The following CACNA1D variants were observed in gnomAD, a reference collection of about 807,000 sequenced individuals.
The protein encoded by CACNA1D is calcium voltage-gated channel subunit alpha1 D.
A neutral mutation model predicts 257.1 loss-of-function variants in CACNA1D; 55 were observed. The observed-to-expected ratio is 0.21, with a 90% confidence interval of 0.17 to 0.27. The LOEUF is 0.27. Among genes scored for constraint, CACNA1D ranks in the 10% least tolerant of loss-of-function variants. The pLI is 1.00. For synonymous variants in CACNA1D, 980 were observed against 1,014.9 expected (o/e 0.97, Z 0.65); for missense variants, 1,876 against 2,784.0 (o/e 0.67, Z 7.34).
Position 53,812,414 on chromosome 3 carries a change from T to C in CACNA1D, c.*1008T>C, listed in dbSNP as rs747919708. Reference sequence around the variant, plus strand: ...TTGAAAGAACTTGACACTACAGAAATTTTTCTAAAATATTTTGAGTCACTA... The same window carrying C: ...TTGAAAGAACTTGACACTACAGAAACTTTTCTAAAATATTTTGAGTCACTA... On this transcript the variant is annotated 3_prime_UTR_variant, in exon 48 of 48. Transcript: ENST00000350061. 6.6e-6 allele frequency: 1 copy of C among 152,212 alleles called. No individual in the cohort carries two copies. Among genetic ancestry groups the C allele is most frequent in the East Asian group, 1.9e-4 (1 of 5,196 alleles). The allele number at this position is 152,212 out of a possible 1,614,324, so 9.4% of individuals were successfully genotyped here. A position where few individuals can be genotyped will look rare whatever the true frequency, so the allele number is the denominator to read the frequency against.
chr3:53,637,350 C>T (rs2093896227), intron 3 of CACNA1D, among the ~76,000 whole-genome samples: 3 of 152,292 alleles, frequency 2.0e-5, no homozygotes, highest in South Asian at 4.1e-4. Context: ...CTTTCTTGCC[C>T]TCACATGTGG....
intron 3 of CACNA1D, among the ~76,000 whole-genome samples, chr3:53,602,524 A>ACC (rs939324875): frequency 2.6e-5 from 4 of 151,898 alleles, no homozygotes; most frequent in African/African-American, 9.7e-5. Context: ...TTTTTGGGGA[A>ACC]CCCCCATACA....
chr3:53,787,425 C>CTGTTGTGTGTG (rs2095460206), intron 40 of CACNA1D, among the ~76,000 whole-genome samples: 1 of 136,150 alleles, frequency 7.3e-6, no homozygotes, highest in Non-Finnish European at 1.6e-5. Flanking sequence ...AGTATGTATT[C>CTGTTGTGTGTG]TGTGTGTGTG....
chr3:53,775,781 A>G, intron 34 of CACNA1D, 105 bp from the exon 35 acceptor site: 3 of 1,107,038 alleles, frequency 2.7e-6, no homozygotes, highest in East Asian at 2.4e-5. Context: ...ATTTTCTTCA[A>G]ATGACTTAGG....
Position 53,497,323 on chromosome 3 carries a change from T to G in CACNA1D, c.239T>G (p.Leu80Arg). ...TCTGCACCCCCACCTGTAGGATCTC[T>G]CTCCCAAAGAAAACGTCAGCAATAC... ...STSAPPPVGS[L>R]SQRKRQQYAK... Residue 80 changes from leucine to arginine, a missense_variant, in exon 2 of 48, where the codon CTC (leucine) becomes CGC (arginine). By Grantham distance (102) the Leu-to-Arg change is moderately radical (BLOSUM62 -2). Coordinates refer to ENST00000350061, the MANE Select transcript of CACNA1D (RefSeq NM_001128840.3). 1 of 1,613,844 alleles carries G rather than the reference T, an allele frequency of 6.2e-7. No homozygotes were observed. Among genetic ancestry groups the G allele is most frequent in the South Asian group, 1.1e-5 (1 of 91,046 alleles).
At chr3:53,755,355 G>A (rs142910188) in intron 29 of CACNA1D, among the ~76,000 whole-genome samples, 20 of 152,290 alleles carry the variant, frequency 1.3e-4, no homozygotes, top group East Asian at 7.7e-4. Flanking sequence ...GTGCACATGC[G>A]TGTGTGTTCA....
intron 11 of CACNA1D, among the ~76,000 whole-genome samples, chr3:53,721,045 T>C (rs1229469831): frequency 6.6e-6 from 1 of 152,206 alleles, no homozygotes; most frequent in African/African-American, 2.4e-5. Flanking sequence ...ACACTGTGGT[T>C]CACCAGTATG....
chr3:53,658,022 T>C (rs754476521), intron 4 of CACNA1D, among the ~76,000 whole-genome samples: 20 of 152,390 alleles, frequency 1.3e-4, no homozygotes, highest in Non-Finnish European at 2.9e-4. Context: ...TTAAGCTTTT[T>C]TTGAAGAACG....
intron 27 of CACNA1D, among the ~76,000 whole-genome samples, chr3:53,750,639 G>A (rs978269940): frequency 5.2e-4 from 79 of 152,200 alleles, no homozygotes; most frequent in African/African-American, 1.8e-3. Context: ...CTCACCCAAG[G>A]AAGAGGAGTG....
intron 11 of CACNA1D, among the ~76,000 whole-genome samples, chr3:53,720,580 A>T (rs1037307803): frequency 2.0e-5 from 3 of 152,190 alleles, no homozygotes; most frequent in African/African-American, 7.2e-5. Context: ...AAAACCCAAT[A>T]AAAAATGGGC....
Position 53,495,165 on chromosome 3 carries a change from GGATGAT to G in CACNA1D, c.17_22del (p.MetMet6_?7). ...CAGTAGTCGCTCAATAAATGTTCGT[GGATGAT>G]GATGATGATGATGATGAAAAAAATG... On this transcript the variant is annotated start_lost and 5_prime_UTR_variant, in exon 1 of 48. Transcript: ENST00000350061. The surrounding 1 kb of genome is among the most constrained non-coding windows in gnomAD (Gnocchi z 5.1). 6.2e-7 allele frequency: 1 copy of G among 1,607,230 alleles called. No homozygotes were observed. Among genetic ancestry groups the G allele is most frequent in the South Asian group, 1.1e-5 (1 of 90,902 alleles).
At chr3:53,516,704 C>T (rs1344030869) in intron 3 of CACNA1D, among the ~76,000 whole-genome samples, 1 of 152,234 alleles carries the variant, frequency 6.6e-6, no homozygotes, top group Non-Finnish European at 1.5e-5. Flanking sequence ...CTAGTAGGGC[C>T]TGTGTCTTGG....
At chr3:53,781,459 G>A in intron 38 of CACNA1D, 107 bp from the exon 39 acceptor site, 1 of 762,130 alleles carries the variant, frequency 1.3e-6, no homozygotes, top group Non-Finnish European at 2.4e-6. Flanking sequence ...CCCCATCAGA[G>A]GGCAGCATGT....
Position 53,495,175 on chromosome 3 carries a change from G to C in CACNA1D, c.9G>C (p.Met3Ile). Residue 3 changes from methionine (M) to isoleucine (I), a missense_variant, in exon 1 of 48, where the codon ATG (methionine) becomes ATC (isoleucine). Met to Ile is a conservative substitution (Grantham distance 10). Coordinates refer to ENST00000350061, the MANE Select transcript of CACNA1D (RefSeq NM_001128840.3). The surrounding 1 kb of genome is among the most constrained non-coding windows in gnomAD (Gnocchi z 5.1). MM[M>I]MMMMKKMQHQ... is the part of the protein sequence containing the mutation. The stretch of plus-strand genomic sequence containing the variant: ...TCAATAAATGTTCGTGGATGATGAT[G>C]ATGATGATGATGAAAAAAATGCAGC... 6.2e-7 allele frequency: 1 copy of C among 1,608,710 alleles called. No homozygotes were observed. The highest frequency in any genetic ancestry group is 8.5e-7 in the Non-Finnish European group (1 of 1,177,040).
rs750626160 is a variant in CACNA1D at position 53,812,174 on chromosome 3, ATATAC to A, written c.*773_*777del. The A allele has an allele frequency of 1.3e-5, 2 of 152,342 alleles. No individual in the cohort carries two copies. The highest frequency in any genetic ancestry group is 4.8e-5 in the African/African-American group (2 of 41,580). The allele number at this position is 152,342 out of a possible 1,614,324, so 9.4% of individuals were successfully genotyped here. A position where few individuals can be genotyped will look rare whatever the true frequency, so the allele number is the denominator to read the frequency against. Reference sequence around the variant, plus strand: ...ATAGATTTACTGTACATGACTTGTAATATACTATAATTTGTATTTGTAAAGAGATG... The same window carrying A: ...ATAGATTTACTGTACATGACTTGTAATATAATTTGTATTTGTAAAGAGATG... On this transcript the variant is annotated 3_prime_UTR_variant, in exon 48 of 48. Coordinates refer to ENST00000350061, the MANE Select transcript of CACNA1D (RefSeq NM_001128840.3).
At chr3:53,676,149 G>C (rs1208866559) in intron 8 of CACNA1D, among the ~76,000 whole-genome samples, 1 of 152,140 alleles carries the variant, frequency 6.6e-6, no homozygotes, top group Non-Finnish European at 1.5e-5. Flanking sequence ...AAGCAGTGCA[G>C]AAGGGCACAT....
chr3:53,594,919 AC>A (rs1220578149), intron 3 of CACNA1D, among the ~76,000 whole-genome samples: 1 of 152,246 alleles, frequency 6.6e-6, no homozygotes, highest in African/African-American at 2.4e-5. Flanking sequence ...GGAAAAAATG[AC>A]AGGAGTCACC....
At chr3:53,761,224 G>T (rs2095299690) in intron 29 of CACNA1D, among the ~76,000 whole-genome samples, 1 of 152,194 alleles carries the variant, frequency 6.6e-6, no homozygotes, top group Non-Finnish European at 1.5e-5. Flanking sequence ...CAAAAGCTGA[G>T]ATGGAAGAAG....
chr3:53,551,056 A>C (rs1221015311), intron 3 of CACNA1D, among the ~76,000 whole-genome samples: 2 of 152,230 alleles, frequency 1.3e-5, no homozygotes, highest in South Asian at 2.1e-4. Flanking sequence ...ATGCCAAAAA[A>C]CATCTTAAAC....
Sources: gnomAD v4.1 joint callset for allele counts (sites outside exome capture counted in the v4.1 genomes callset) on GRCh38, gnomAD v4.1.1 for gene constraint, Gnocchi (gnomAD v3.1) non-coding constraint, MANE v1.5 for transcripts, NCBI Gene and HGNC (gene_info 2026-07-23, HGNC 2026-07-21) for gene names.